The following ANXA4 variants were observed in gnomAD, a reference collection of about 807,000 sequenced individuals.
ANXA4 encodes the protein annexin A4, also known as 35-beta calcimedin.
In ANXA4, 39 loss-of-function variants were observed where a neutral mutation model predicts 49.8. The ratio of observed to expected loss-of-function variants is 0.78; its 90% CI spans 0.61 to 1.02. The LOEUF is 1.02. ANXA4 is among the 50% of genes least tolerant of loss of function. The probability of loss-of-function intolerance (pLI) is 0.00; values close to 1 mark genes in which losing one functional copy is unlikely to be tolerated. For missense variants in ANXA4, 360 were observed against 410.1 expected, an observed-to-expected ratio of 0.88 and a Z score of 1.05; for synonymous variants, 134 against 152.5, an observed-to-expected ratio of 0.88 and a Z score of 0.89.
chr2:69,720,612 TA>T (rs1406417773), intron 2 of ANXA4, among the ~76,000 whole-genome samples: 5 of 152,172 alleles, frequency 3.3e-5, no homozygotes, highest in Non-Finnish European at 5.9e-5. Flanking sequence ...TTTATGTTTT[TA>T]AAAGATTCCT....
At chr2:69,793,596 G>A (rs570793301) in intron 3 of ANXA4, among the ~76,000 whole-genome samples, 1 of 152,246 alleles carries the variant, frequency 6.6e-6, no homozygotes, top group East Asian at 1.9e-4. Flanking sequence ...TGGATTATTG[G>A]CCTCTGAGTG....
intron 3 of ANXA4, among the ~76,000 whole-genome samples, chr2:69,727,255 G>A (rs1912118): frequency 0.62 from 93,908 of 152,172 alleles, 31,039 homozygotes; most frequent in African/African-American, 0.84. Flanking sequence ...CTTTGAAAAT[G>A]TCTTTTCATG....
intron 1 of ANXA4, among the ~76,000 whole-genome samples, chr2:69,649,157 A>G (rs905924563): frequency 6.6e-6 from 1 of 152,204 alleles, no homozygotes; most frequent in Admixed American, 6.5e-5. Context: ...AAGTGCTGGG[A>G]TTACAGGTGT....
intron 3 of ANXA4, among the ~76,000 whole-genome samples, chr2:69,791,537 A>G (rs978490375): frequency 6.6e-6 from 1 of 152,252 alleles, no homozygotes; most frequent in African/African-American, 2.4e-5. Context: ...TAGTTATCAA[A>G]GGCTGTAGCT....
At chr2:69,687,447 G>A (rs13429468) in intron 2 of ANXA4, among the ~76,000 whole-genome samples, 6 of 151,776 alleles carry the variant, frequency 4.0e-5, no homozygotes, top group African/African-American at 1.5e-4. Context: ...GGCAGAGATT[G>A]AAGGGAACTG....
At chr2:69,688,080 T>C (rs1419481044) in intron 2 of ANXA4, among the ~76,000 whole-genome samples, 4 of 152,238 alleles carry the variant, frequency 2.6e-5, no homozygotes, top group African/African-American at 7.2e-5. Flanking sequence ...CAAGTCAGGA[T>C]GTAGGGTCCA....
chr2:69,813,805 T>C (rs955278672), intron 8 of ANXA4, among the ~76,000 whole-genome samples: 1 of 147,784 alleles, frequency 6.8e-6, no homozygotes, highest in East Asian at 2.0e-4. Flanking sequence ...TCGTCCAGAC[T>C]GGAGTGTGGT....
intron 8 of ANXA4, chr2:69,815,292 G>A (rs1448103912): frequency 2.6e-5 from 4 of 152,180 alleles, no homozygotes; most frequent in Admixed American, 6.5e-5. Context: ...TTAGATGAAC[G>A]CTTTCAGCTT....
At chr2:69,696,301 T>C (rs1678157528) in intron 2 of ANXA4, among the ~76,000 whole-genome samples, 1 of 152,216 alleles carries the variant, frequency 6.6e-6, no homozygotes, top group African/African-American at 2.4e-5. Context: ...GAAATCACTT[T>C]CTTTGCTCAT....
chr2:69,693,398 G>C (rs1344824650), intron 2 of ANXA4, among the ~76,000 whole-genome samples: 1 of 152,168 alleles, frequency 6.6e-6, no homozygotes, highest in African/African-American at 2.4e-5. Context: ...TAGGGTCTAA[G>C]AGAGGGACAG....
At chr2:69,823,719 A>C (rs182927569) in intron 12 of ANXA4, among the ~76,000 whole-genome samples, 38 of 152,340 alleles carry the variant, frequency 2.5e-4, no homozygotes, top group African/African-American at 8.7e-4. Flanking sequence ...ATGTATAAAT[A>C]AGAAACTTGA....
chr2:69,661,611 GA>G (rs1297579415), intron 2 of ANXA4, among the ~76,000 whole-genome samples: 1 of 152,104 alleles, frequency 6.6e-6, no homozygotes, highest in Admixed American at 6.6e-5. Context: ...GAAGAAGAGA[GA>G]AAAAATAATA....
chr2:69,651,195 A>C (rs978448189), intron 1 of ANXA4, among the ~76,000 whole-genome samples: 4 of 152,304 alleles, frequency 2.6e-5, no homozygotes, highest in East Asian at 1.9e-4. Flanking sequence ...CAAAACAAAC[A>C]GATGAGGAAA....
At chr2:69,646,621 T>C (rs1169993664) in intron 1 of ANXA4, among the ~76,000 whole-genome samples, 1 of 152,200 alleles carries the variant, frequency 6.6e-6, no homozygotes, top group Non-Finnish European at 1.5e-5. Flanking sequence ...TGGAACAGAC[T>C]CTTTGAGGCA....
intron 3 of ANXA4, among the ~76,000 whole-genome samples, chr2:69,793,027 G>T (rs1287659695): frequency 6.6e-6 from 1 of 151,268 alleles, no homozygotes; most frequent in Non-Finnish European, 1.5e-5. Flanking sequence ...GCCAAGGCGG[G>T]CGGATCACGA....
At chr2:69,750,437 G>A (rs759248444) in intron 1 of ANXA4, among the ~76,000 whole-genome samples, 1 of 152,210 alleles carries the variant, frequency 6.6e-6, no homozygotes, top group Non-Finnish European at 1.5e-5. Context: ...TTCTAAGACA[G>A]GGTCTCACTC....
At chr2:69,727,737 AC>A (rs1669998541) in intron 3 of ANXA4, among the ~76,000 whole-genome samples, 1 of 152,214 alleles carries the variant, frequency 6.6e-6, no homozygotes, top group African/African-American at 2.4e-5. Flanking sequence ...ATCTTACATA[AC>A]TGTAGCTAAT....
At chr2:69,724,432 A>G (rs537796647) in intron 3 of ANXA4, among the ~76,000 whole-genome samples, 20 of 152,218 alleles carry the variant, frequency 1.3e-4, no homozygotes, top group Non-Finnish European at 2.1e-4. Flanking sequence ...ATATAAAAGA[A>G]GACTTTTTCT....
intron 1 of ANXA4, among the ~76,000 whole-genome samples, chr2:69,761,767 A>T (rs1277207574): frequency 7.3e-6 from 1 of 136,980 alleles, no homozygotes; most frequent in Non-Finnish European, 1.5e-5. Flanking sequence ...ACAGAGCAAG[A>T]TGCTGTCTTA....
Sources: allele counts gnomAD v4.1 joint callset (sites outside exome capture counted in the v4.1 genomes callset), GRCh38; gene constraint gnomAD v4.1.1; transcripts MANE v1.5; gene names NCBI Gene and HGNC (gene_info 2026-07-23, HGNC 2026-07-21).